The following KCNIP1 variants were observed in gnomAD, a reference collection of about 807,000 sequenced individuals.
KCNIP1 encodes the protein A-type potassium channel modulatory protein KCNIP1.
In KCNIP1, 18 loss-of-function variants were observed where a neutral mutation model predicts 33.0. The ratio of observed to expected loss-of-function variants is 0.55; its 90% CI spans 0.38 to 0.81. The LOEUF is 0.81. Ranked by LOEUF, KCNIP1 falls within the 30% of genes least tolerant of loss-of-function variation. The probability of loss-of-function intolerance (pLI) is 0.00; values close to 1 mark genes in which losing one functional copy is unlikely to be tolerated. For missense variants in KCNIP1, 238 were observed against 271.6 expected, an observed-to-expected ratio of 0.88 and a Z score of 0.87; for synonymous variants, 93 against 98.3, an observed-to-expected ratio of 0.95 and a Z score of 0.32.
intron 1 of KCNIP1, among the ~76,000 whole-genome samples, chr5:170,366,361 G>T (rs184703056): frequency 9.1e-4 from 138 of 152,340 alleles, no homozygotes; most frequent in African/African-American, 3.1e-3. Context: ...CTGCACCCTG[G>T]GTCAGAGCCC....
At chr5:170,613,429 A>C (rs1759251918) in intron 1 of KCNIP1, among the ~76,000 whole-genome samples, 1 of 152,238 alleles carries the variant, frequency 6.6e-6, no homozygotes. Context: ...TTAGCTTCCC[A>C]AAACTCCATT....
At chr5:170,513,522 A>G (rs1755017609) in intron 1 of KCNIP1, among the ~76,000 whole-genome samples, 1 of 152,186 alleles carries the variant, frequency 6.6e-6, no homozygotes, top group Admixed American at 6.5e-5. Flanking sequence ...GCCAACAGAG[A>G]TCCTGAATCT....
chr5:170,511,287 A>T (rs1754923408), intron 1 of KCNIP1, among the ~76,000 whole-genome samples: 4 of 152,222 alleles, frequency 2.6e-5, no homozygotes. Flanking sequence ...AAGGAATTGA[A>T]CATGGTGCTG....
At chr5:170,682,161 T>C (rs1414078439) in intron 1 of KCNIP1, among the ~76,000 whole-genome samples, 4 of 152,006 alleles carry the variant, frequency 2.6e-5, no homozygotes, top group African/African-American at 9.7e-5. Context: ...GAAACTGAAG[T>C]GTAAGATGAG....
At chr5:170,480,459 C>T (rs1756952407) in intron 1 of KCNIP1, among the ~76,000 whole-genome samples, 1 of 150,644 alleles carries the variant, frequency 6.6e-6, no homozygotes, top group Non-Finnish European at 1.5e-5. Context: ...TGCGCTTCAT[C>T]TCCTAGGAGA....
chr5:170,363,258 C>T (rs11739111), intron 1 of KCNIP1, among the ~76,000 whole-genome samples: 2 of 152,156 alleles, frequency 1.3e-5, no homozygotes, highest in East Asian at 1.9e-4. Context: ...CCTGGTCAAA[C>T]CTGTCAGCAC....
rs371525999 is a variant in KCNIP1 at position 170,474,188 on chromosome 5, T to G, written c.88+120224T>G. 1.4e-3 allele frequency among the ~76,000 whole-genome samples: 215 copies of G among 152,268 alleles called. 1 individual carries two copies. Among genetic ancestry groups the G allele is most frequent in the African/African-American group, 4.9e-3 (204 of 41,558 alleles). ...AGGAAGAGGGCTGCTCAGAGACAGCTTCTATTACCCGAGAGGCTTTTTATC... is the reference window on the plus strand; with the variant it reads ...AGGAAGAGGGCTGCTCAGAGACAGCGTCTATTACCCGAGAGGCTTTTTATC... On this transcript the variant is annotated intron_variant, in intron 1 of 7. Transcript: ENST00000377360.
At chr5:170,519,899 T>C (rs1755293164) in intron 1 of KCNIP1, among the ~76,000 whole-genome samples, 1 of 152,058 alleles carries the variant, frequency 6.6e-6, no homozygotes, top group Admixed American at 6.5e-5. Flanking sequence ...TTGAAAGATG[T>C]AGAAGAGAAA....
At position 170,489,299 on chromosome 5, in the gene KCNIP1, A is replaced by G. The variant is rs1327879005; in HGVS notation, c.88+135335A>G. 6.6e-6 allele frequency among the ~76,000 whole-genome samples: 1 copy of G among 152,230 alleles called. No individual in the cohort carries two copies. Among genetic ancestry groups the G allele is most frequent in the Admixed American group, 6.5e-5 (1 of 15,294 alleles). ...CCCTTGAGAAGGAGAAAGCCATGCT[A>G]TAGGCAATCAAGATTTGCACATTGT... On this transcript the variant is annotated intron_variant, in intron 1 of 7. Transcript: ENST00000377360. The surrounding 1 kb of genome is among the most constrained non-coding windows in gnomAD (Gnocchi z 4.3).
chr5:170,357,385 G>A (rs1283368333), intron 1 of KCNIP1, among the ~76,000 whole-genome samples: 3 of 152,160 alleles, frequency 2.0e-5, no homozygotes, highest in Non-Finnish European at 2.9e-5. Flanking sequence ...TGTTATTAGC[G>A]GATACTCTCA....
rs1377347436 is a variant in KCNIP1 at position 170,464,722 on chromosome 5, C to T, written c.88+110758C>T. Among the ~76,000 whole-genome samples, 8 of 152,162 alleles carry T rather than the reference C, an allele frequency of 5.3e-5. 1 individual carries two copies. Among genetic ancestry groups the T allele is most frequent in the Admixed American group, 5.2e-4 (8 of 15,284 alleles). ...TAAAGACATTGCATCCTCTCAGCCA[C>T]TACCTACACCACTCTTGAGTTTCTT... On this transcript the variant is annotated intron_variant, in intron 1 of 7. Coordinates refer to the KCNIP1 transcript ENST00000377360.
chr5:170,367,974 T>C (rs929097729), intron 1 of KCNIP1, among the ~76,000 whole-genome samples: 1 of 152,222 alleles, frequency 6.6e-6, no homozygotes, highest in Non-Finnish European at 1.5e-5. Flanking sequence ...GCAATCTAAG[T>C]GTCAATGGAA....
In KCNIP1 at chr5:170,515,901, A is replaced by C. The variant is rs141044172; in HGVS notation, c.61+11268A>C. On this transcript the variant is annotated intron_variant, in intron 1 of 7. Transcript: ENST00000328939. ...AAAGAGGCGGCATTAGAGCTCAACA[A>C]AAGAGCTAGGGGTTGGCCCAGGCAA... is the stretch of plus-strand genomic sequence containing the variant. Among the ~76,000 whole-genome samples, 1,150 of 152,344 alleles carry C rather than the reference A, an allele frequency of 7.5e-3. 19 individuals carry two copies. Among genetic ancestry groups the C allele is most frequent in the African/African-American group, 0.027 (1,114 of 41,584 alleles).
At chr5:170,724,518 A>G (rs1434370965) in intron 5 of KCNIP1, among the ~76,000 whole-genome samples, 1 of 152,216 alleles carries the variant, frequency 6.6e-6, no homozygotes, top group Non-Finnish European at 1.5e-5. Flanking sequence ...AAAGAAACCA[A>G]AGGGATATAG....
At chr5:170,590,551 G>C (rs1433842039) in intron 1 of KCNIP1, among the ~76,000 whole-genome samples, 1 of 152,152 alleles carries the variant, frequency 6.6e-6, no homozygotes, top group Non-Finnish European at 1.5e-5. Context: ...CACTAGGTCA[G>C]AGGGTGATGG....
chr5:170,696,210 C>T lies in KCNIP1; in HGVS notation c.62-22548C>T, dbSNP rs548695304. 2.0e-5 allele frequency among the ~76,000 whole-genome samples: 3 copies of T among 152,208 alleles called. No homozygotes were observed. In the South Asian group the frequency reaches 6.2e-4, roughly 32 times the overall value. On this transcript the variant is annotated intron_variant, in intron 1 of 7. Transcript: ENST00000328939. ...TTCATACACTTCCCTCACTCTTTTC[C>T]TTCACTGCACTAAAGATGATTTCTA...
intron 1 of KCNIP1, among the ~76,000 whole-genome samples, chr5:170,415,006 A>G (rs1435422880): frequency 6.6e-6 from 1 of 152,248 alleles, no homozygotes; most frequent in Non-Finnish European, 1.5e-5. Flanking sequence ...TGAATTTTCA[A>G]TGATGACCTC....
chr5:170,645,503 A>G (rs1451105950), intron 1 of KCNIP1, among the ~76,000 whole-genome samples: 1 of 152,252 alleles, frequency 6.6e-6, no homozygotes, highest in African/African-American at 2.4e-5. Flanking sequence ...AAGGAGGAAT[A>G]CATCAGTCAA....
At chr5:170,455,020 C>T (rs544726149) in intron 1 of KCNIP1, among the ~76,000 whole-genome samples, 2 of 152,152 alleles carry the variant, frequency 1.3e-5, no homozygotes, top group East Asian at 1.9e-4. Flanking sequence ...GAAGATACCA[C>T]AATTATAAAC....
Sources: allele counts gnomAD v4.1 joint callset (sites outside exome capture counted in the v4.1 genomes callset), GRCh38; gene constraint gnomAD v4.1.1; non-coding constraint Gnocchi (gnomAD v3.1); transcripts MANE v1.5; gene names NCBI Gene and HGNC (gene_info 2026-07-23, HGNC 2026-07-21).